Variants in UBASH3B observed in about 807,000 individuals in gnomAD.
UBASH3B encodes ubiquitin-associated and SH3 domain-containing protein B.
UBASH3B carries 37 observed loss-of-function variants against 83.4 expected under a neutral mutation model. The ratio of observed to expected loss-of-function variants is 0.44; its 90% CI spans 0.34 to 0.58. The LOEUF (loss-of-function observed/expected upper bound fraction) is 0.58. Ranked by LOEUF, UBASH3B falls within the 20% of genes least tolerant of loss-of-function variation. UBASH3B has a pLI of 0.01. For missense variants in UBASH3B, 657 were observed against 827.2 expected (o/e 0.79, Z 2.52); for synonymous variants, 304 against 318.3 (o/e 0.96, Z 0.48).
chr11:122,774,786 C>T (rs1860704760), intron 1 of UBASH3B, among the ~76,000 whole-genome samples: 1 of 152,216 alleles, frequency 6.6e-6, no homozygotes, highest in African/African-American at 2.4e-5. Flanking sequence ...CTTCTCTACA[C>T]TGGCTCATTT....
chr11:122,770,515 T>C (rs1244527575), intron 1 of UBASH3B, among the ~76,000 whole-genome samples: 1 of 151,878 alleles, frequency 6.6e-6, no homozygotes, highest in Non-Finnish European at 1.5e-5. Flanking sequence ...AGGTATTCCT[T>C]AGACAGGAAA....
At chr11:122,675,714 C>T (rs930847660) in intron 1 of UBASH3B, among the ~76,000 whole-genome samples, 1 of 152,150 alleles carries the variant, frequency 6.6e-6, no homozygotes, top group African/African-American at 2.4e-5. Flanking sequence ...GTAATCCTGG[C>T]CCCAGTGAAT....
chr11:122,784,753 G>T (rs960612032), intron 5 of UBASH3B, among the ~76,000 whole-genome samples: 1 of 152,210 alleles, frequency 6.6e-6, no homozygotes, highest in East Asian at 1.9e-4. Context: ...ATGAGTCAGA[G>T]GTTCAGGGTT....
rs1565569973 is a variant in UBASH3B at position 122,796,930 on chromosome 11, C to T, written c.1254C>T (p.Asn418=). Residue 418 remains asparagine (N), a synonymous_variant, in exon 9 of 14, where the codon AAC becomes AAT. Transcript: ENST00000284273. ...TTTCAGGCCGCTACATACGCACCAA[C>T]CTGAACATGCCTCATAGTTTACCTC... ...FDAKGRYIRT[N]LNMPHSLPQR... 6.2e-7 allele frequency: 1 copy of T among 1,614,192 alleles called. No individual in the cohort carries two copies.
At chr11:122,656,738 G>A (rs1204968190) in intron 1 of UBASH3B, among the ~76,000 whole-genome samples, 1 of 152,238 alleles carries the variant, frequency 6.6e-6, no homozygotes, top group South Asian at 2.1e-4. Context: ...TCTCCCCCTG[G>A]AGTAGGAGGA....
intron 1 of UBASH3B, among the ~76,000 whole-genome samples, chr11:122,772,575 G>T (rs12804793): frequency 0.13 from 20,145 of 152,130 alleles, 1,668 homozygotes; most frequent in Middle Eastern, 0.24. Context: ...TAACAGGAAA[G>T]CGACTTTTCC....
At chr11:122,767,869 C>T (rs1389413051) in intron 1 of UBASH3B, among the ~76,000 whole-genome samples, 1 of 152,184 alleles carries the variant, frequency 6.6e-6, no homozygotes, top group Non-Finnish European at 1.5e-5. Context: ...AGCTGAGTTA[C>T]AAACCTGGGG....
At chr11:122,726,400 A>T (rs1241612771) in intron 1 of UBASH3B, 1 of 140,124 alleles carries the variant, frequency 7.1e-6, no homozygotes, top group Non-Finnish European at 1.5e-5. Flanking sequence ...CCCAGGCTAG[A>T]GTGCAGTGGC....
chr11:122,773,702 C>T (rs1048257648), intron 1 of UBASH3B, among the ~76,000 whole-genome samples: 4 of 152,112 alleles, frequency 2.6e-5, no homozygotes, highest in African/African-American at 9.7e-5. Flanking sequence ...CATCTCATCA[C>T]CCAAACCTTT....
chr11:122,706,741 C>T lies in UBASH3B; in HGVS notation c.161+50531C>T, dbSNP rs188309715. ...AGTACCAAGAAGAAACATATATGTA[C>T]GCAATCACATACTGAAAAGGGAATA... On this transcript the variant is annotated intron_variant, in intron 1 of 13. Transcript: ENST00000284273. Among the ~76,000 whole-genome samples, 26 of 152,206 alleles carry T rather than the reference C, an allele frequency of 1.7e-4. 1 individual carries two copies. The highest frequency in any genetic ancestry group is 1.2e-3 in the South Asian group (6 of 4,830).
intron 1 of UBASH3B, among the ~76,000 whole-genome samples, chr11:122,661,012 G>A (rs1011830411): frequency 1.2e-4 from 19 of 152,264 alleles, no homozygotes; most frequent in African/African-American, 4.6e-4. Flanking sequence ...AAGACAAAAT[G>A]AGATAACAGA....
At chr11:122,754,593 T>C (rs186170912) in intron 1 of UBASH3B, among the ~76,000 whole-genome samples, 2 of 152,336 alleles carry the variant, frequency 1.3e-5, no homozygotes, top group African/African-American at 4.8e-5. Context: ...GTGTGATTCC[T>C]GCTTTGGCAT....
intron 1 of UBASH3B, chr11:122,773,874 G>A (rs892100808): frequency 1.9e-5 from 12 of 616,348 alleles, no homozygotes; most frequent in Non-Finnish European, 2.4e-5. Context: ...GGGGAAGGGT[G>A]TAGAAAAAAA....
intron 1 of UBASH3B, among the ~76,000 whole-genome samples, chr11:122,718,772 T>C (rs1006120285): frequency 6.6e-6 from 1 of 152,064 alleles, no homozygotes; most frequent in Non-Finnish European, 1.5e-5. Flanking sequence ...GGTAGAATCA[T>C]CCTCTTCTTA....
At chr11:122,748,133 T>C (rs564214676) in intron 1 of UBASH3B, among the ~76,000 whole-genome samples, 2 of 152,346 alleles carry the variant, frequency 1.3e-5, no homozygotes, top group East Asian at 3.9e-4. Flanking sequence ...AAACACATTG[T>C]GGCAAATAAG....
At chr11:122,684,829 C>T (rs969571733) in intron 1 of UBASH3B, among the ~76,000 whole-genome samples, 2 of 152,148 alleles carry the variant, frequency 1.3e-5, no homozygotes, top group Non-Finnish European at 2.9e-5. Context: ...AACTCCTGAC[C>T]TCAGGTGATC....
In UBASH3B at chr11:122,779,520, C is replaced by A. The variant is rs1451614342; in HGVS notation, c.426C>A (p.Ala142=). 12 of 1,613,962 alleles carry A rather than the reference C, an allele frequency of 7.4e-6. No individual in the cohort carries two copies. The highest frequency in any genetic ancestry group is 1.7e-4 in the Middle Eastern group (1 of 5,974). Reference sequence around the variant, plus strand: ...AGTGCGAGGACAGCAAGGTGGATGCCCTGGGGGAAGCCCTGCAGACCACGG... The same window carrying A: ...AGTGCGAGGACAGCAAGGTGGATGCACTGGGGGAAGCCCTGCAGACCACGG... ...FFMCEDSKVD[A]LGEALQTTVS... Residue 142 remains alanine (A), a synonymous_variant, in exon 4 of 14, where the codon GCC becomes GCA. Transcript: ENST00000284273.
At chr11:122,724,674 T>C (rs1860700495) in intron 1 of UBASH3B, among the ~76,000 whole-genome samples, 1 of 141,940 alleles carries the variant, frequency 7.0e-6, no homozygotes, top group African/African-American at 2.6e-5. Context: ...ATTCACCAGA[T>C]GGGGGAAAGG....
intron 1 of UBASH3B, among the ~76,000 whole-genome samples, chr11:122,730,234 C>A (rs1390306597): frequency 6.6e-6 from 1 of 152,102 alleles, no homozygotes. Context: ...TGCAGTGAGC[C>A]GAGATGGCTT....
Sources: allele counts gnomAD v4.1 joint callset (sites outside exome capture counted in the v4.1 genomes callset), GRCh38; gene constraint gnomAD v4.1.1; transcripts MANE v1.5; gene names NCBI Gene and HGNC (gene_info 2026-07-23, HGNC 2026-07-21).